Variants in LRBA observed in about 807,000 individuals in gnomAD.
LRBA encodes the protein LPS responsive beige-like anchor protein.
A neutral mutation model predicts 330.0 loss-of-function variants in LRBA; 176 were observed. The observed-to-expected ratio is 0.53, with a 90% CI of 0.47 to 0.60. The LOEUF is 0.60. Among genes scored for constraint, LRBA ranks in the 20% least tolerant of loss-of-function variants. The pLI, the probability that LRBA is intolerant of heterozygous loss-of-function variation, is 0.00. For synonymous variants in LRBA, 1,230 were observed against 1,193.0 expected (o/e 1.03, Z -0.64); for missense variants, 3,259 against 3,444.8 (o/e 0.95, Z 1.35).
intron 55 of LRBA, among the ~76,000 whole-genome samples, chr4:150,281,528 G>C (rs1040011634): frequency 1.3e-5 from 2 of 152,206 alleles, no homozygotes; most frequent in African/African-American, 4.8e-5. Flanking sequence ...ATCTGGGAAA[G>C]TGGGAGAATT....
At chr4:150,864,885 G>T (rs908387200) in intron 22 of LRBA, among the ~76,000 whole-genome samples, 10 of 152,038 alleles carry the variant, frequency 6.6e-5, no homozygotes, top group Non-Finnish European at 1.2e-4. Flanking sequence ...GACCTCAAGT[G>T]ATCCAGCCGC....
intron 35 of LRBA, among the ~76,000 whole-genome samples, chr4:150,753,540 CTA>C (rs1733845600): frequency 6.6e-6 from 1 of 152,052 alleles, no homozygotes; most frequent in Non-Finnish European, 1.5e-5. Context: ...ATGTGTAAGG[CTA>C]TGAAACATCT....
intron 17 of LRBA, among the ~76,000 whole-genome samples, chr4:150,873,596 A>G (rs1753681404): frequency 6.6e-6 from 1 of 151,784 alleles, no homozygotes; most frequent in Admixed American, 6.6e-5. Context: ...TCTCAAAAAA[A>G]AAAACAAACA....
intron 36 of LRBA, among the ~76,000 whole-genome samples, chr4:150,710,532 A>T (rs1174657823): frequency 2.0e-5 from 3 of 152,084 alleles, no homozygotes; most frequent in East Asian, 3.8e-4. Context: ...TATTGGGTCA[A>T]AGTGAAAAAA....
At chr4:150,644,037 ATTTTAT>A (rs1430332435) in intron 37 of LRBA, among the ~76,000 whole-genome samples, 1 of 151,910 alleles carries the variant, frequency 6.6e-6, no homozygotes, top group African/African-American at 2.4e-5. Context: ...GCCATACCAC[ATTTTAT>A]TTTTATTTTC....
intron 37 of LRBA, among the ~76,000 whole-genome samples, chr4:150,672,304 T>A (rs1444112942): frequency 6.6e-6 from 1 of 152,006 alleles, no homozygotes; most frequent in Non-Finnish European, 1.5e-5. Flanking sequence ...ACATCAGTAG[T>A]AAACATTGAC....
intron 44 of LRBA, among the ~76,000 whole-genome samples, chr4:150,439,337 T>G (rs1751522472): frequency 7.0e-6 from 1 of 141,890 alleles, no homozygotes; most frequent in South Asian, 2.1e-4. Context: ...CACTAGCATC[T>G]GAAAAAAAAT....
chr4:150,926,559 T>C (rs1444961381), intron 4 of LRBA, among the ~76,000 whole-genome samples: 1 of 152,240 alleles, frequency 6.6e-6, no homozygotes, highest in Admixed American at 6.5e-5. Flanking sequence ...AAATTTGCTA[T>C]GTCTGATATA....
intron 40 of LRBA, 66 bp from the exon 41 acceptor site, chr4:150,491,101 C>A (rs1401090262): frequency 1.4e-6 from 1 of 702,004 alleles, no homozygotes; most frequent in Non-Finnish European, 2.3e-6. Context: ...TTTCTTTCCC[C>A]AATTAAAATA....
intron 40 of LRBA, among the ~76,000 whole-genome samples, chr4:150,546,851 G>A (rs924700991): frequency 6.6e-6 from 1 of 152,146 alleles, no homozygotes; most frequent in East Asian, 1.9e-4. Context: ...GTTTTAATAT[G>A]CATTGATCAT....
At chr4:150,395,407 T>C (rs1744591196) in intron 47 of LRBA, among the ~76,000 whole-genome samples, 1 of 152,130 alleles carries the variant, frequency 6.6e-6, no homozygotes, top group South Asian at 2.1e-4. Context: ...GATATGTCTC[T>C]AGAATCTAGA....
At chr4:150,727,562 A>C (rs191748094) in intron 36 of LRBA, among the ~76,000 whole-genome samples, 1 of 152,202 alleles carries the variant, frequency 6.6e-6, no homozygotes, top group Admixed American at 6.5e-5. Context: ...AATAACAGGA[A>C]TATTAAAAAC....
chr4:150,807,423 T>C (rs567969890), intron 32 of LRBA, among the ~76,000 whole-genome samples: 42 of 152,280 alleles, frequency 2.8e-4, no homozygotes, highest in African/African-American at 9.9e-4. Context: ...AGTACCTACA[T>C]TTGTAGTGTC....
chr4:150,858,616 G>A (rs908663216), intron 22 of LRBA, among the ~76,000 whole-genome samples: 9 of 152,138 alleles, frequency 5.9e-5, no homozygotes, highest in African/African-American at 2.2e-4. Flanking sequence ...TGCAGCTTCA[G>A]CATCCCGTAT....
chr4:150,609,336 T>C (rs1774995405), intron 37 of LRBA, among the ~76,000 whole-genome samples: 1 of 152,176 alleles, frequency 6.6e-6, no homozygotes, highest in African/African-American at 2.4e-5. Context: ...GTTCTTTCTT[T>C]TTCCTGATGG....
intron 38 of LRBA, chr4:150,597,095 C>A (rs916127068): frequency 1.4e-6 from 2 of 1,398,870 alleles, no homozygotes; most frequent in East Asian, 2.4e-5. Context: ...TTGCTGTTCT[C>A]TCTCAATTTA....
intron 36 of LRBA, among the ~76,000 whole-genome samples, chr4:150,685,420 A>ATATATATATT (rs1561514146): frequency 2.3e-4 from 4 of 17,440 alleles, no homozygotes; most frequent in Non-Finnish European, 3.7e-4. Context: ...ATATATATAT[A>ATATATATATT]TTTTTTTTTT....
intron 40 of LRBA, among the ~76,000 whole-genome samples, chr4:150,543,166 G>A (rs1280424054): frequency 1.3e-5 from 2 of 151,978 alleles, no homozygotes; most frequent in African/African-American, 4.8e-5. Flanking sequence ...CCAAATGTTG[G>A]GACTTGAAAA....
chr4:150,545,059 A>G (rs1765712644), intron 40 of LRBA, among the ~76,000 whole-genome samples: 2 of 152,190 alleles, frequency 1.3e-5, no homozygotes, highest in Admixed American at 6.5e-5. Flanking sequence ...TAAAATAGAA[A>G]ATATTAATGC....
Sources: gnomAD v4.1 joint callset for allele counts (sites outside exome capture counted in the v4.1 genomes callset) on GRCh38, gnomAD v4.1.1 for gene constraint, MANE v1.5 for transcripts, NCBI Gene and HGNC (gene_info 2026-07-23, HGNC 2026-07-21) for gene names.